PRKN: variants seen among roughly 807,000 people sequenced by gnomAD.
PRKN encodes the protein parkin RBR E3 ubiquitin protein ligase.
PRKN carries 56 observed loss-of-function variants against 59.5 expected under a neutral mutation model. The observed-to-expected ratio is 0.94, with a 90% confidence interval of 0.76 to 1.18. PRKN has a LOEUF of 1.18. Among genes scored for constraint, PRKN ranks in the 50% most tolerant of loss-of-function variants. The pLI, the probability that PRKN is intolerant of heterozygous loss-of-function variation, is 0.00. For synonymous variants in PRKN, 250 were observed against 222.1 expected, an observed-to-expected ratio of 1.13 and a Z score of -1.12; for missense variants, 657 against 596.4, an observed-to-expected ratio of 1.10 and a Z score of -1.06.
In PRKN at chr6:161,471,963, TA is replaced by T. The variant is rs539503446; in HGVS notation, c.1083+76890del. ...TTTCAATACCAACTTTGGGAGACAT[TA>T]AAAAAAAATACTGAAGCCTATGAAG... On this transcript the variant is annotated intron_variant, in intron 9 of 11. Transcript: ENST00000366898. The surrounding 1 kb of genome is among the most constrained non-coding windows in gnomAD (Gnocchi z 4.5). 4.5e-3 allele frequency among the ~76,000 whole-genome samples: 686 copies of T among 150,820 alleles called. 3 individuals carry two copies. The highest frequency in any genetic ancestry group is 0.015 in the African/African-American group (633 of 41,278).
At chr6:162,063,112 T>C (rs1253665614) in intron 4 of PRKN, among the ~76,000 whole-genome samples, 1 of 152,186 alleles carries the variant, frequency 6.6e-6, no homozygotes, top group African/African-American at 2.4e-5. Context: ...CATAAAGGAA[T>C]GTATAAATTG....
chr6:162,426,381 A>T (rs1461028996), intron 2 of PRKN, among the ~76,000 whole-genome samples: 5 of 152,218 alleles, frequency 3.3e-5, no homozygotes, highest in Admixed American at 3.3e-4. Context: ...AATAAAATAA[A>T]ACTGGATCTT....
At chr6:161,615,692 G>A (rs1288235309) in intron 7 of PRKN, among the ~76,000 whole-genome samples, 2 of 152,344 alleles carry the variant, frequency 1.3e-5, no homozygotes, top group African/African-American at 4.8e-5. Context: ...TGATACAACC[G>A]TGGCAATGCC....
At position 161,532,512 on chromosome 6, in the gene PRKN, C is replaced by A. The variant is rs115311157; in HGVS notation, c.1083+16342G>T. ...CATACTCTATCTCTTCCAGAGTAGG[C>A]TGTGATTCCCAGTGTACTAATGTTA... On this transcript the variant is annotated intron_variant, in intron 9 of 11. Coordinates refer to ENST00000366898, the MANE Select transcript of PRKN (RefSeq NM_004562.3). Among the ~76,000 whole-genome samples the A allele has an allele frequency of 9.9e-3, 1,500 of 152,014 alleles. 24 individuals are homozygous for A. The highest frequency in any genetic ancestry group is 0.035 in the African/African-American group (1,436 of 41,432).
At chr6:162,580,857 T>C (rs1357444916) in intron 1 of PRKN, among the ~76,000 whole-genome samples, 4 of 152,218 alleles carry the variant, frequency 2.6e-5, no homozygotes, top group Non-Finnish European at 5.9e-5. Flanking sequence ...GCTGAGTATA[T>C]AACGCCTTTG....
At chr6:162,431,209 TGCCTTGTGGAGAATGGATAGTAGTTGA>T (rs1369093088) in intron 2 of PRKN, among the ~76,000 whole-genome samples, 1 of 119,528 alleles carries the variant, frequency 8.4e-6, no homozygotes, top group Non-Finnish European at 1.7e-5. Context: ...TGGACTTGGT[TGCCTTGTGGAGAATGGATAGTAGTTGA>T]GCCTTGTGGT....
rs1014621830 is a variant in PRKN, at chr6:161,475,952, C to T, written c.1083+72902G>A. 1.3e-5 allele frequency among the ~76,000 whole-genome samples: 2 copies of T among 151,926 alleles called. No homozygotes were observed. Among genetic ancestry groups the T allele is most frequent in the African/African-American group, 2.4e-5 (1 of 41,366 alleles). ...CTGTAATCCCAGCATTTTGGGAGGC[C>T]AAGGTGGGCGGATCACGAGGTCAGG... On this transcript the variant is annotated intron_variant, in intron 9 of 11. Transcript: ENST00000366898. This position sits in a 1 kb window ranked among gnomAD's most constrained non-coding sequence, Gnocchi z 5.3.
chr6:162,469,351 G>GC (rs1202800849), intron 1 of PRKN, among the ~76,000 whole-genome samples: 3 of 78,984 alleles, frequency 3.8e-5, no homozygotes, highest in East Asian at 1.1e-3. Flanking sequence ...GGGGGTTGCA[G>GC]GGGGGGGTGG....
chr6:162,071,417 T>A (rs570280567), intron 4 of PRKN, among the ~76,000 whole-genome samples: 33 of 152,088 alleles, frequency 2.2e-4, no homozygotes, highest in Admixed American at 4.6e-4. Context: ...TTAAATATCA[T>A]GAAACAGTAA....
intron 1 of PRKN, among the ~76,000 whole-genome samples, chr6:162,582,988 G>A (rs996261130): frequency 5.3e-5 from 8 of 152,154 alleles, no homozygotes; most frequent in Non-Finnish European, 1.2e-4. Context: ...GGACTTTTAG[G>A]AGGAGATAGG....
chr6:161,680,391 G>T (rs1281762931), intron 7 of PRKN, among the ~76,000 whole-genome samples: 1 of 152,016 alleles, frequency 6.6e-6, no homozygotes, highest in African/African-American at 2.4e-5. Context: ...CTTGCAGTAC[G>T]GGGCAGCGTG....
chr6:161,744,029 C>A (rs1562649413), intron 7 of PRKN, among the ~76,000 whole-genome samples: 1 of 152,108 alleles, frequency 6.6e-6, no homozygotes, highest in Non-Finnish European at 1.5e-5. Context: ...CCTGATTCAT[C>A]CACTTGGGTA....
chr6:162,277,768 G>T (rs1780700351), intron 2 of PRKN, among the ~76,000 whole-genome samples: 1 of 152,074 alleles, frequency 6.6e-6, no homozygotes, highest in East Asian at 1.9e-4. Context: ...CCAGAACAAA[G>T]GCAACACCAA....
chr6:161,414,774 G>A lies in PRKN; in HGVS notation c.1084-27897C>T, dbSNP rs117299729. Among the ~76,000 whole-genome samples, 1,746 of 152,294 alleles carry A rather than the reference G, an allele frequency of 0.011. 12 individuals are homozygous for A. The highest frequency in any genetic ancestry group is 0.019 in the Non-Finnish European group (1,325 of 68,010). On this transcript the variant is annotated intron_variant, in intron 9 of 11. Transcript: ENST00000366898. This position sits in a 1 kb window ranked among gnomAD's most constrained non-coding sequence, Gnocchi z 5.3. ...GCTTCTCCACCAGAGGAGGGTCTCC[G>A]CAGGCAGGGCAGCCGCTGAACAGCA...
At chr6:162,204,084 T>G (rs900965976) in intron 3 of PRKN, among the ~76,000 whole-genome samples, 30 of 152,286 alleles carry the variant, frequency 2.0e-4, no homozygotes, top group African/African-American at 7.0e-4. Flanking sequence ...TCATGCTACT[T>G]CACCTCTAAA....
intron 2 of PRKN, among the ~76,000 whole-genome samples, chr6:162,379,210 T>C (rs1173974061): frequency 7.1e-6 from 1 of 139,956 alleles, no homozygotes; most frequent in African/African-American, 2.7e-5. Flanking sequence ...TTGAGTGCCA[T>C]TGCCAGGGAA....
rs1359483611 is a variant in PRKN, at chr6:162,196,870, A to C, written c.534+4261T>G. 3.9e-5 allele frequency among the ~76,000 whole-genome samples: 6 copies of C among 152,358 alleles called. No individual in the cohort carries two copies. The South Asian group carries it at 1.2e-3, about 32-fold the overall frequency. On this transcript the variant is annotated intron_variant, in intron 4 of 11. Transcript: ENST00000366898. Reference sequence around the variant, plus strand: ...ATAGCATTCAGGAAATGTTAGAATTAAGAACAAATCACCAATAAAAACTTT... The same window carrying C: ...ATAGCATTCAGGAAATGTTAGAATTCAGAACAAATCACCAATAAAAACTTT...
At chr6:162,081,150 G>A (rs1263536424) in intron 4 of PRKN, among the ~76,000 whole-genome samples, 1 of 151,932 alleles carries the variant, frequency 6.6e-6, no homozygotes, top group African/African-American at 2.4e-5. Context: ...ATCCATGAGG[G>A]TTAGAATCGA....
At chr6:161,911,084 C>T (rs1161016434) in intron 6 of PRKN, among the ~76,000 whole-genome samples, 1 of 152,140 alleles carries the variant, frequency 6.6e-6, no homozygotes, top group South Asian at 2.1e-4. Context: ...CAAGGTATAC[C>T]CATATTTAAA....
Sources: allele counts gnomAD v4.1 joint callset (sites outside exome capture counted in the v4.1 genomes callset), GRCh38; gene constraint gnomAD v4.1.1; non-coding constraint Gnocchi (gnomAD v3.1); transcripts MANE v1.5; gene names NCBI Gene and HGNC (gene_info 2026-07-23, HGNC 2026-07-21).